THOC1: variants seen among roughly 807,000 people sequenced by gnomAD.
THOC1 encodes the protein THO complex subunit 1, also known as THO complex 1.
THOC1 carries 29 observed loss-of-function variants against 97.3 expected under a neutral mutation model. That is an observed-to-expected ratio of 0.30 (90% CI 0.22 to 0.41). The LOEUF is 0.41. THOC1 is among the 10% of genes least tolerant of loss of function. THOC1 has a pLI of 1.00. For synonymous variants in THOC1, 255 were observed against 257.0 expected (o/e 0.99, Z 0.07); for missense variants, 529 against 761.9 (o/e 0.69, Z 3.60).
chr18:261,067 G>C (rs1230847977), intron 4 of THOC1: 4 of 152,092 alleles, frequency 2.6e-5, no homozygotes, highest in African/African-American at 9.7e-5. Flanking sequence ...AAAATAACAA[G>C]GTTTGATATT....
Position 254,562 on chromosome 18 carries a change from TTTC to T in THOC1, c.521-210_521-208del, listed in dbSNP as rs1367448284. 6.8e-6 allele frequency among the ~76,000 whole-genome samples: 1 copy of T among 146,534 alleles called. No homozygotes were observed. Among genetic ancestry groups the T allele is most frequent in the Non-Finnish European group, 1.6e-5 (1 of 64,374 alleles). Reference sequence around the variant, plus strand: ...TACCTTGTTTTGTTGTTCTTCACAGTTTCTTGTTTTTTTAAATAAATTGAATGG... The same window carrying T: ...TACCTTGTTTTGTTGTTCTTCACAGTTTGTTTTTTTAAATAAATTGAATGG... On this transcript the variant is annotated intron_variant, in intron 7 of 20. Transcript: ENST00000261600. This position sits in a 1 kb window ranked among gnomAD's most constrained non-coding sequence, Gnocchi z 4.1.
intron 18 of THOC1, among the ~76,000 whole-genome samples, chr18:217,351 T>A (rs900469208): frequency 6.6e-6 from 1 of 152,248 alleles, no homozygotes; most frequent in Non-Finnish European, 1.5e-5. Flanking sequence ...CTCTCTGACA[T>A]ATCTGTTTAG....
chr18:257,887 T>C (rs1912485791), intron 7 of THOC1, among the ~76,000 whole-genome samples: 1 of 151,664 alleles, frequency 6.6e-6, no homozygotes, highest in East Asian at 1.9e-4. Flanking sequence ...AGTGAGAAGG[T>C]ATAATGGATG....
chr18:234,793 TAAGACA>T lies in THOC1; in HGVS notation c.919-7898_919-7893del, dbSNP rs1911616579. Among the ~76,000 whole-genome samples, 3 of 152,322 alleles carry T rather than the reference TAAGACA, an allele frequency of 2.0e-5. No individual in the cohort carries two copies. The South Asian group carries it at 6.2e-4, about 32-fold the overall frequency. On this transcript the variant is annotated intron_variant, in intron 11 of 20. Coordinates refer to ENST00000261600, the MANE Select transcript of THOC1 (RefSeq NM_005131.3). ...AAAAATTACTTAATTTGTGAGTTTG[TAAGACA>T]TTTTTTATTTCTATAAATAGAAAAC...
intron 11 of THOC1, among the ~76,000 whole-genome samples, chr18:229,575 C>T (rs1911413189): frequency 6.6e-6 from 1 of 151,916 alleles, no homozygotes; most frequent in African/African-American, 2.4e-5. Flanking sequence ...TCCAGCTACT[C>T]TGGAGGCTGA....
intron 7 of THOC1, among the ~76,000 whole-genome samples, chr18:256,222 C>G (rs1912431740): frequency 6.6e-6 from 1 of 152,040 alleles, no homozygotes; most frequent in African/African-American, 2.4e-5. Context: ...TTTTATGGAT[C>G]TGAGCAAAGT....
At chr18:250,265 CT>C (rs1053326942) in intron 9 of THOC1, among the ~76,000 whole-genome samples, 9 of 152,202 alleles carry the variant, frequency 5.9e-5, no homozygotes, top group Non-Finnish European at 1.3e-4. Flanking sequence ...TCCTTCACAG[CT>C]GAATAAAATT....
intron 16 of THOC1, 36 bp from the exon 17 acceptor site, chr18:223,541 T>C (rs1011695316): frequency 6.7e-7 from 1 of 1,493,852 alleles, no homozygotes; most frequent in African/African-American, 1.4e-5. Flanking sequence ...ACATTTTTTA[T>C]GGACACCATC....
intron 8 of THOC1, among the ~76,000 whole-genome samples, chr18:253,578 G>A (rs192145786): frequency 7.9e-5 from 12 of 152,316 alleles, no homozygotes; most frequent in Non-Finnish European, 1.6e-4. Flanking sequence ...AATGTTATGA[G>A]TGGTTATAGA....
intron 19 of THOC1, chr18:215,791 G>T: frequency 3.0e-6 from 1 of 338,072 alleles, no homozygotes. Context: ...AAATACCCAG[G>T]GTTTATTTAG....
Position 260,304 on chromosome 18 carries a change from CCTT to C in THOC1, c.257-3_257-1del. 6.5e-7 allele frequency: 1 copy of C among 1,535,394 alleles called. No individual in the cohort carries two copies. Among genetic ancestry groups the C allele is most frequent in the Non-Finnish European group, 8.7e-7 (1 of 1,143,890 alleles). On this transcript the variant is annotated splice_acceptor_variant and splice_polypyrimidine_tract_variant and intron_variant, in intron 4 of 20. Transcript: ENST00000261600. LOFTEE classifies it high-confidence loss of function. ...AAAAGGTGTAGATGCGGTACAAATA[CCTT>C]CAAGTGGAGCACAAGCCAATTTAAA...
At chr18:251,306 G>A (rs1912272083) in intron 9 of THOC1, among the ~76,000 whole-genome samples, 1 of 152,148 alleles carries the variant, frequency 6.6e-6, no homozygotes, top group South Asian at 2.1e-4. Flanking sequence ...TTTGAATTCT[G>A]GGATGCCAGA....
At position 247,902 on chromosome 18, in the gene THOC1, A is replaced by C; in HGVS notation, c.733T>G (p.Phe245Val). 6.2e-7 allele frequency: 1 copy of C among 1,610,250 alleles called. No homozygotes were observed. The highest frequency in any genetic ancestry group is 8.5e-7 in the Non-Finnish European group (1 of 1,179,082). Residue 245 changes from phenylalanine (F) to valine (V), a missense_variant, in exon 10 of 21, where the codon TTC becomes GTC. Physicochemically the swap from Phe to Val is conservative, Grantham distance 50. Transcript: ENST00000261600. ...YRKFWSLQDY[F>V]RNPVQCYEKI... ...TCATAGCATTGCACAGGGTTCCTGA[A>C]GTAATCCTGAAGTGACCAGAATTTT... is the stretch of plus-strand genomic sequence containing the variant.
At chr18:240,969 T>C (rs1188275704) in intron 11 of THOC1, among the ~76,000 whole-genome samples, 2 of 152,074 alleles carry the variant, frequency 1.3e-5, no homozygotes, top group Non-Finnish European at 2.9e-5. Context: ...CAGTTTACAA[T>C]AGGGTTCATG....
At chr18:239,136 A>G (rs1911809694) in intron 11 of THOC1, among the ~76,000 whole-genome samples, 1 of 152,214 alleles carries the variant, frequency 6.6e-6, no homozygotes, top group South Asian at 2.1e-4. Flanking sequence ...GGTTTTCATA[A>G]ATCTCAGACA....
At position 218,887 on chromosome 18, in the gene THOC1, T is replaced by G. The variant is rs745360942; in HGVS notation, c.1453A>C (p.Lys485Gln). Residue 485 changes from lysine (K) to glutamine (Q), a missense_variant and splice_region_variant, in exon 18 of 21, where the codon AAG becomes CAG. Around this residue, in one of 8 missense-constraint regions of THOC1, gnomAD observed 123 missense variants for 159.0 expected, o/e 0.77. Coordinates refer to ENST00000261600, the MANE Select transcript of THOC1 (RefSeq NM_005131.3). ...DPENMVENEY[K>Q]AVNNSNYGWR... ...GGAGCTAATGAGGAGCATACTTACTTATATTCATTTTCCACCATATTTTCA... is the reference window on the plus strand; with the variant it reads ...GGAGCTAATGAGGAGCATACTTACTGATATTCATTTTCCACCATATTTTCA... 6.3e-7 allele frequency: 1 copy of G among 1,592,776 alleles called. No homozygotes were observed. The highest frequency in any genetic ancestry group is 1.1e-5 in the South Asian group (1 of 87,704).
At chr18:227,827 C>T (rs1434297239) in intron 11 of THOC1, among the ~76,000 whole-genome samples, 2 of 152,052 alleles carry the variant, frequency 1.3e-5, no homozygotes, top group African/African-American at 4.8e-5. Flanking sequence ...GGTTTTGGTT[C>T]AATGTCCCAA....
At chr18:233,979 G>T (rs1911585056) in intron 11 of THOC1, among the ~76,000 whole-genome samples, 1 of 152,138 alleles carries the variant, frequency 6.6e-6, no homozygotes, top group African/African-American at 2.4e-5. Context: ...GGGGAGAAGG[G>T]GCACTGGGTC....
At chr18:262,084 A>T (rs1418783867) in intron 4 of THOC1, among the ~76,000 whole-genome samples, 2 of 152,026 alleles carry the variant, frequency 1.3e-5, no homozygotes, top group Non-Finnish European at 2.9e-5. Flanking sequence ...TTTTCTGCAT[A>T]CTCTTCCTCC....
Sources: gnomAD v4.1 joint callset for allele counts (sites outside exome capture counted in the v4.1 genomes callset) on GRCh38, gnomAD v4.1.1 for gene constraint, gnomAD v4.1.1 regional missense constraint, Gnocchi (gnomAD v3.1) non-coding constraint, MANE v1.5 for transcripts, NCBI Gene and HGNC (gene_info 2026-07-23, HGNC 2026-07-21) for gene names.